Variants in ITGA6 observed in about 807,000 individuals in gnomAD.
The protein encoded by ITGA6 is integrin alpha-6.
Under a neutral mutation model 133.6 loss-of-function variants are expected in ITGA6, and 63 were observed. The ratio of observed to expected loss-of-function variants is 0.47; its 90% confidence interval spans 0.38 to 0.58. The LOEUF is 0.58. ITGA6 is among the 20% of genes least tolerant of loss of function. ITGA6 has a pLI of 0.00. For missense variants in ITGA6, 1,068 were observed against 1,309.4 expected (o/e 0.82, Z 2.85); for synonymous variants, 434 against 482.0 (o/e 0.90, Z 1.30).
At chr2:172,451,043 T>A (rs1347064155) in intron 1 of ITGA6, among the ~76,000 whole-genome samples, 1 of 150,498 alleles carries the variant, frequency 6.6e-6, no homozygotes. Flanking sequence ...TAATTCCAGC[T>A]TCTTGGGAGG....
At chr2:172,451,165 A>G (rs527824868) in intron 1 of ITGA6, among the ~76,000 whole-genome samples, 2 of 149,084 alleles carry the variant, frequency 1.3e-5, no homozygotes, top group South Asian at 4.3e-4. Flanking sequence ...AAAAGAAAAA[A>G]ATTTTTAAAT....
intron 1 of ITGA6, among the ~76,000 whole-genome samples, chr2:172,430,413 A>G (rs1259443486): frequency 6.6e-6 from 1 of 152,228 alleles, no homozygotes; most frequent in Non-Finnish European, 1.5e-5. Context: ...ATATTTATGA[A>G]ACCCATGTTC....
intron 4 of ITGA6, among the ~76,000 whole-genome samples, chr2:172,470,357 C>T (rs1054062166): frequency 1.3e-5 from 2 of 151,972 alleles, no homozygotes; most frequent in Non-Finnish European, 2.9e-5. Flanking sequence ...TGAATAAATG[C>T]TTTATATAGT....
At chr2:172,486,783 TG>T (rs1288744462) in intron 13 of ITGA6, among the ~76,000 whole-genome samples, 1 of 152,176 alleles carries the variant, frequency 6.6e-6, no homozygotes, top group Non-Finnish European at 1.5e-5. Context: ...GTGTGGCTGC[TG>T]GGTCACACTC....
chr2:172,448,542 A>G (rs1312022999), intron 1 of ITGA6, among the ~76,000 whole-genome samples: 1 of 152,248 alleles, frequency 6.6e-6, no homozygotes, highest in Non-Finnish European at 1.5e-5. Context: ...ATATGAGAGC[A>G]TAGGAGATGA....
At chr2:172,455,398 A>G (rs753514326) in intron 1 of ITGA6, among the ~76,000 whole-genome samples, 1 of 152,154 alleles carries the variant, frequency 6.6e-6, no homozygotes, top group Non-Finnish European at 1.5e-5. Context: ...AAAGCTTGGG[A>G]TAACTGCTGG....
Position 172,505,080 on chromosome 2 carries a change from ATAACT to A in ITGA6, c.*1015_*1019del. 1 of 152,742 alleles carries A rather than the reference ATAACT, an allele frequency of 6.5e-6. No homozygotes were observed. Among genetic ancestry groups the A allele is most frequent in the South Asian group, 2.1e-4 (1 of 4,826 alleles). 9.5% of individuals were successfully genotyped at this position (152,742 alleles called of 1,614,324 possible). On this transcript the variant is annotated 3_prime_UTR_variant, in exon 26 of 26. Transcript: ENST00000684293. Reference sequence around the variant, plus strand: ...AAATGTACCAGAGAGAGTTGTTTTAATAACTTATCTATAAACTATAACCTCTCCTT... The same window carrying A: ...AAATGTACCAGAGAGAGTTGTTTTAATATCTATAAACTATAACCTCTCCTT...
At chr2:172,473,202 C>T (rs1374343965) in intron 5 of ITGA6, among the ~76,000 whole-genome samples, 1 of 152,210 alleles carries the variant, frequency 6.6e-6, no homozygotes, top group Non-Finnish European at 1.5e-5. Context: ...ATCTGCCTCA[C>T]CTTTCTATAG....
intron 1 of ITGA6, among the ~76,000 whole-genome samples, chr2:172,464,893 T>G (rs1217199703): frequency 6.6e-6 from 1 of 151,594 alleles, no homozygotes. Context: ...CTTGTACACC[T>G]CAAATATATC....
In ITGA6 at chr2:172,497,385, CTACT is replaced by C. The variant is rs1373769011; in HGVS notation, c.2989-588_2989-585del. On this transcript the variant is annotated intron_variant, in intron 23 of 25. Transcript: ENST00000684293. Reference sequence around the variant, plus strand: ...TGGTGGCATGCGCCTGTAGTCCCAGCTACTTGGGAGGCAGCTGAGGTGGGAGGAT... The same window carrying C: ...TGGTGGCATGCGCCTGTAGTCCCAGCTGGGAGGCAGCTGAGGTGGGAGGAT... 2.0e-5 allele frequency among the ~76,000 whole-genome samples: 3 copies of C among 151,610 alleles called. No homozygotes were observed. In the South Asian group the frequency reaches 6.2e-4, roughly 32 times the overall value.
At chr2:172,475,168 T>C in intron 7 of ITGA6, 46 bp downstream of exon 7, 1 of 1,246,204 alleles carries the variant, frequency 8.0e-7, no homozygotes, top group Non-Finnish European at 1.2e-6. Context: ...GATTATTTGA[T>C]TGTTTAAATA....
intron 1 of ITGA6, among the ~76,000 whole-genome samples, chr2:172,449,506 G>A (rs1684896476): frequency 6.6e-6 from 1 of 152,142 alleles, no homozygotes; most frequent in African/African-American, 2.4e-5. Context: ...GGAGCTAACA[G>A]CATTCTAGGG....
chr2:172,477,672 C>T (rs1359413262), intron 9 of ITGA6, among the ~76,000 whole-genome samples: 1 of 152,106 alleles, frequency 6.6e-6, no homozygotes, highest in African/African-American at 2.4e-5. Flanking sequence ...GACTGTCAAC[C>T]CTGTACACTT....
rs1000484660 is a variant in ITGA6, at chr2:172,505,729, CTTTT to C, written c.*1664_*1667del. 2 of 152,240 alleles carry C rather than the reference CTTTT, an allele frequency of 1.3e-5. No homozygotes were observed. The highest frequency in any genetic ancestry group is 6.6e-5 in the Admixed American group (1 of 15,228). 9.4% of individuals were successfully genotyped at this position (152,240 alleles called of 1,614,324 possible). A position where few individuals can be genotyped will look rare whatever the true frequency, so the allele number is the denominator to read the frequency against. On this transcript the variant is annotated 3_prime_UTR_variant, in exon 26 of 26. Transcript: ENST00000684293. ...TAGTGCCACTGTTGTTTTGGGGGGG[CTTTT>C]TTCTTTTCGGAAATCTTAAACCTTA...
intron 17 of ITGA6, 67 bp downstream of exon 17, chr2:172,487,874 C>G: frequency 6.8e-7 from 1 of 1,470,472 alleles, no homozygotes; most frequent in South Asian, 1.1e-5. Context: ...AATGAATTGG[C>G]CCTGATCTAC....
At chr2:172,469,015 A>T in intron 3 of ITGA6, 110 bp from the exon 4 acceptor site, 2 of 1,190,348 alleles carry the variant, frequency 1.7e-6, no homozygotes, top group Non-Finnish European at 2.5e-6. Context: ...GGACATGCTT[A>T]ATCATCCTCT....
At chr2:172,502,797 G>T (rs540902638) in intron 25 of ITGA6, among the ~76,000 whole-genome samples, 4 of 152,240 alleles carry the variant, frequency 2.6e-5, no homozygotes, top group Non-Finnish European at 5.9e-5. Context: ...CACCATTTAC[G>T]TGGGCATGAG....
rs550482326 is a variant in ITGA6 at position 172,427,586 on chromosome 2, A to G, written c.-203A>G. On this transcript the variant is annotated 5_prime_UTR_variant, in exon 1 of 26. Transcript: ENST00000684293. Reference sequence around the variant, plus strand: ...AAACGCCTGCGAGTCTCCAGAGAACAACGGGCTCATTCAGCGGTCGCGAGC... The same window carrying G: ...AAACGCCTGCGAGTCTCCAGAGAACGACGGGCTCATTCAGCGGTCGCGAGC... 1 of 1,261,722 alleles carries G rather than the reference A, an allele frequency of 7.9e-7. No individual in the cohort carries two copies. The highest frequency in any genetic ancestry group is 2.7e-5 in the South Asian group (1 of 36,732). The allele number at this position is 1,261,722 out of a possible 1,614,324, so 78.2% of individuals were successfully genotyped here.
intron 24 of ITGA6, 42 bp downstream of exon 24, chr2:172,498,142 T>A (rs779009862): frequency 1.3e-6 from 2 of 1,589,608 alleles, no homozygotes; most frequent in South Asian, 2.2e-5. Context: ...CAAACTTTAT[T>A]TCATGTTTTA....
Sources: allele counts gnomAD v4.1 joint callset (sites outside exome capture counted in the v4.1 genomes callset), GRCh38; gene constraint gnomAD v4.1.1; transcripts MANE v1.5; gene names NCBI Gene and HGNC (gene_info 2026-07-23, HGNC 2026-07-21).